OR1F1: variants seen among roughly 807,000 people sequenced by gnomAD.
The protein encoded by OR1F1 is olfactory receptor 1F1.
For missense variants in OR1F1, 493 were observed against 376.3 expected (o/e 1.31, Z -2.57); for synonymous variants, 184 against 156.7 (o/e 1.17, Z -1.30).
the OR1F1 span, among the ~76,000 whole-genome samples, chr16:3,196,491 T>C: frequency 6.6e-6 from 1 of 151,712 alleles, no homozygotes; most frequent in African/African-American, 2.4e-5. Flanking sequence ...TGAGGATATC[T>C]TCCCACCTCA....
At chr16:3,190,860 G>A in the OR1F1 span, among the ~76,000 whole-genome samples, 2 of 151,942 alleles carry the variant, frequency 1.3e-5, no homozygotes, top group Non-Finnish European at 2.9e-5. Context: ...CTATTGGGAA[G>A]TCTGTAATAC....
chr16:3,196,862 TTTG>T, the OR1F1 span, among the ~76,000 whole-genome samples: 10 of 151,176 alleles, frequency 6.6e-5, no homozygotes, highest in South Asian at 2.1e-4. Context: ...GCCCAGCTAT[TTTG>T]TTGTTGTTGT....
the OR1F1 span, among the ~76,000 whole-genome samples, chr16:3,195,317 A>G: frequency 6.6e-6 from 1 of 152,206 alleles, no homozygotes; most frequent in Non-Finnish European, 1.5e-5. Context: ...AAGGCAAAAA[A>G]CAAAACAACA....
At chr16:3,200,213 T>A (rs566642740), upstream of OR1F1, among the ~76,000 whole-genome samples, 16 of 152,230 alleles carry the variant, frequency 1.1e-4, no homozygotes, top group Admixed American at 2.6e-4. Context: ...TGGGTGGTCT[T>A]CTTCTCAGTG....
At chr16:3,204,558 T>C in exon 1 of OR1F1, 2 of 1,614,176 alleles carry the variant, frequency 1.2e-6, no homozygotes, top group Non-Finnish European at 1.7e-6. Flanking sequence ...TGTATTTCGT[T>C]TTCATGTTCG....
At chr16:3,200,913 C>T (rs1958128943), upstream of OR1F1, among the ~76,000 whole-genome samples, 2 of 152,184 alleles carry the variant, frequency 1.3e-5, 1 homozygote, top group South Asian at 4.1e-4. Context: ...CAATAATCAC[C>T]ATTATCTGTT....
chr16:3,197,143 T>G, the OR1F1 span, among the ~76,000 whole-genome samples: 1 of 151,916 alleles, frequency 6.6e-6, no homozygotes, highest in Non-Finnish European at 1.5e-5. Context: ...CCCACAGTGC[T>G]GAGATTACAG....
the OR1F1 span, among the ~76,000 whole-genome samples, chr16:3,193,153 C>T: frequency 9.9e-5 from 15 of 152,116 alleles, no homozygotes; most frequent in African/African-American, 3.6e-4. Flanking sequence ...CCTCGAACTC[C>T]TGACCTCAAG....
chr16:3,203,107 T>C (rs1467236600), upstream of OR1F1, among the ~76,000 whole-genome samples: 2 of 152,206 alleles, frequency 1.3e-5, no homozygotes, highest in Non-Finnish European at 2.9e-5. Context: ...TCACTTTCAG[T>C]GTTGCCAAGT....
At chr16:3,189,949 TG>T in the OR1F1 span, among the ~76,000 whole-genome samples, 3 of 151,900 alleles carry the variant, frequency 2.0e-5, no homozygotes, top group Non-Finnish European at 4.4e-5. Flanking sequence ...TGGTGGTTTT[TG>T]TTTTGTTTTG....
At chr16:3,204,239 C>G, upstream of OR1F1, 1 of 1,582,250 alleles carries the variant, frequency 6.3e-7, no homozygotes, top group Non-Finnish European at 8.6e-7. Flanking sequence ...GTCCAGGATC[C>G]CAGGCCCATG....
chr16:3,205,786 T>A (rs1958201160), downstream of OR1F1, among the ~76,000 whole-genome samples: 1 of 152,214 alleles, frequency 6.6e-6, no homozygotes, highest in South Asian at 2.1e-4. Flanking sequence ...CTTAATCCTG[T>A]TATCTTCGTA....
At chr16:3,206,393 T>G (rs752286186), downstream of OR1F1, among the ~76,000 whole-genome samples, 4 of 152,140 alleles carry the variant, frequency 2.6e-5, no homozygotes. Flanking sequence ...AGGCATGTGA[T>G]CTTTGTTCTC....
downstream of OR1F1, among the ~76,000 whole-genome samples, chr16:3,205,654 TATA>T (rs1441168309): frequency 2.0e-5 from 3 of 152,176 alleles, no homozygotes; most frequent in Non-Finnish European, 4.4e-5. Flanking sequence ...TTAATACTTT[TATA>T]ATTTCTTACG....
upstream of OR1F1, among the ~76,000 whole-genome samples, chr16:3,201,675 C>A (rs1246741974): frequency 6.6e-6 from 1 of 152,088 alleles, no homozygotes; most frequent in African/African-American, 2.4e-5. Flanking sequence ...ACACATGACC[C>A]ACGAAGGGAT....
exon 1 of OR1F1, chr16:3,205,097 T>A: frequency 6.2e-7 from 1 of 1,614,066 alleles, no homozygotes; most frequent in African/African-American, 1.3e-5. Flanking sequence ...GTGACTCCCA[T>A]GCTAAACCCT....
chr16:3,199,165 T>C, the OR1F1 span, among the ~76,000 whole-genome samples: 1 of 106,458 alleles, frequency 9.4e-6, no homozygotes, highest in South Asian at 3.7e-4. Flanking sequence ...TACCTGAACA[T>C]AGTGGCATGT....
chr16:3,197,310 T>C, the OR1F1 span, among the ~76,000 whole-genome samples: 1 of 152,180 alleles, frequency 6.6e-6, no homozygotes, highest in Non-Finnish European at 1.5e-5. Context: ...TGAGCCACTG[T>C]GCCCAGCCCA....
At chr16:3,205,015 G>C in exon 1 of OR1F1, 1 of 1,614,082 alleles carries the variant, frequency 6.2e-7, no homozygotes, top group Non-Finnish European at 8.5e-7. Context: ...CACCATCATT[G>C]CTGTGTATTT....
Sources: gnomAD v4.1 joint callset for allele counts (sites outside exome capture counted in the v4.1 genomes callset) on GRCh38, gnomAD v4.1.1 for gene constraint, MANE v1.5 for transcripts, NCBI Gene and HGNC (gene_info 2026-07-23, HGNC 2026-07-21) for gene names.